Variants in MAD1L1 observed in about 807,000 individuals in gnomAD.
MAD1L1 encodes the protein mitotic arrest deficient 1 like 1, also known as mitotic spindle assembly checkpoint protein MAD1.
A neutral mutation model predicts 96.9 loss-of-function variants in MAD1L1; 95 were observed. The observed-to-expected ratio is 0.98, with a 90% CI of 0.83 to 1.16. The LOEUF is 1.16. Among genes scored for constraint, MAD1L1 ranks in the 50% most tolerant of loss-of-function variants. The probability of loss-of-function intolerance (pLI) is 0.00; values close to 1 mark genes in which losing one functional copy is unlikely to be tolerated. For missense variants in MAD1L1, 1,007 were observed against 954.4 expected, an observed-to-expected ratio of 1.06 and a Z score of -0.73; for synonymous variants, 473 against 396.6, an observed-to-expected ratio of 1.19 and a Z score of -2.29.
intron 16 of MAD1L1, among the ~76,000 whole-genome samples, chr7:1,941,782 A>C (rs1379642969): frequency 6.6e-6 from 1 of 152,216 alleles, no homozygotes; most frequent in East Asian, 1.9e-4. Flanking sequence ...CTGCGATGGC[A>C]CCGCTGACCA....
intron 11 of MAD1L1, among the ~76,000 whole-genome samples, chr7:2,112,799 G>A (rs573023040): frequency 1.3e-5 from 2 of 152,066 alleles, no homozygotes; most frequent in Admixed American, 1.3e-4. Flanking sequence ...GGAAAGTGGC[G>A]GACTGCAGGA....
At chr7:1,969,892 T>A (rs1780328866) in intron 15 of MAD1L1, among the ~76,000 whole-genome samples, 1 of 152,222 alleles carries the variant, frequency 6.6e-6, no homozygotes, top group Non-Finnish European at 1.5e-5. Context: ...TGTAAAGCCA[T>A]CTGTGTCAGG....
intron 18 of MAD1L1, among the ~76,000 whole-genome samples, chr7:1,884,621 C>T (rs957857682): frequency 4.0e-5 from 6 of 151,362 alleles, no homozygotes; most frequent in South Asian, 2.1e-4. Context: ...GTCTAAGAGA[C>T]GACCGAGAGT....
intron 10 of MAD1L1, among the ~76,000 whole-genome samples, chr7:2,161,664 G>A (rs150084146): frequency 0.24 from 36,878 of 150,814 alleles, 5,390 homozygotes; most frequent in Middle Eastern, 0.33. Context: ...AGTGAGGAGC[G>A]TCTCTGCCCG....
intron 11 of MAD1L1, among the ~76,000 whole-genome samples, chr7:2,098,060 G>A (rs1409741602): frequency 1.3e-5 from 2 of 152,230 alleles, no homozygotes; most frequent in Non-Finnish European, 2.9e-5. Flanking sequence ...CACTCATGCG[G>A]CGGCTCCATG....
At position 2,003,847 on chromosome 7, in the gene MAD1L1, G is replaced by A. The variant is rs375055497; in HGVS notation, c.1360-1726C>T. Among the ~76,000 whole-genome samples the A allele has an allele frequency of 5.9e-5, 9 of 152,280 alleles. No individual in the cohort carries two copies. The East Asian group carries it at 1.2e-3, about 20-fold the overall frequency. On this transcript the variant is annotated intron_variant, in intron 13 of 18. Transcript: ENST00000265854. ...CCCACACTGGAAAGCTTGGTGCCTC[G>A]AGGCCTAGGAGCAGCACACTGCCCT... is the stretch of plus-strand genomic sequence containing the variant.
intron 11 of MAD1L1, among the ~76,000 whole-genome samples, chr7:2,147,988 T>C (rs1028623910): frequency 6.6e-6 from 1 of 152,236 alleles, no homozygotes; most frequent in African/African-American, 2.4e-5. Context: ...AGTAAAATGA[T>C]GAGGATCGCC....
intron 18 of MAD1L1, chr7:1,829,509 G>A (rs1674896403): frequency 1.3e-5 from 2 of 152,242 alleles, no homozygotes; most frequent in Admixed American, 1.3e-4. Flanking sequence ...TGGCTGGTGA[G>A]GTCTCTGAGC....
At chr7:1,903,887 G>A (rs1455137336) in intron 17 of MAD1L1, among the ~76,000 whole-genome samples, 2 of 128,934 alleles carry the variant, frequency 1.6e-5, no homozygotes, top group Admixed American at 8.2e-5. Context: ...TATGGAAGAT[G>A]CTCTTGCGGA....
At chr7:2,150,476 C>A (rs1235064572) in intron 10 of MAD1L1, among the ~76,000 whole-genome samples, 1 of 152,188 alleles carries the variant, frequency 6.6e-6, no homozygotes, top group Non-Finnish European at 1.5e-5. Flanking sequence ...GCTCATCCAG[C>A]GCTCACACAG....
intron 18 of MAD1L1, among the ~76,000 whole-genome samples, chr7:1,892,587 TA>T (rs1786615702): frequency 6.6e-6 from 1 of 152,130 alleles, no homozygotes. Flanking sequence ...AGACCCACAA[TA>T]AAAAAAGCTG....
At chr7:2,057,820 A>G (rs374017084) in intron 12 of MAD1L1, among the ~76,000 whole-genome samples, 4 of 152,370 alleles carry the variant, frequency 2.6e-5, no homozygotes, top group African/African-American at 9.6e-5. Context: ...AGTAAAGAGT[A>G]TCACACAGAA....
chr7:2,001,923 C>T, intron 14 of MAD1L1, 142 bp downstream of exon 14: 2 of 833,354 alleles, frequency 2.4e-6, no homozygotes, highest in Non-Finnish European at 4.0e-6. Context: ...ACACACCCTT[C>T]CCCGCTCAAC....
intron 17 of MAD1L1, among the ~76,000 whole-genome samples, chr7:1,923,487 C>CAACCCCGCGCTCTTCCGCCCCGGCACG (rs1325339882): frequency 7.3e-6 from 1 of 136,446 alleles, no homozygotes; most frequent in Non-Finnish European, 1.6e-5. Flanking sequence ...GCCCCGGCAG[C>CAACCCCGCGCTCTTCCGCCCCGGCACG]CGGGCAACCC....
At chr7:1,940,040 C>T (rs1778870605) in intron 16 of MAD1L1, 1 of 152,488 alleles carries the variant, frequency 6.6e-6, no homozygotes, top group Admixed American at 6.5e-5. Context: ...AACTGCTGGC[C>T]CTGCCACCCC....
intron 10 of MAD1L1, among the ~76,000 whole-genome samples, chr7:2,175,564 T>G (rs1790910605): frequency 6.9e-6 from 1 of 144,926 alleles, no homozygotes; most frequent in Non-Finnish European, 1.5e-5. Flanking sequence ...AAGAAAAAGG[T>G]AGGTGTATGT....
At chr7:2,191,776 T>C (rs548122766) in intron 10 of MAD1L1, among the ~76,000 whole-genome samples, 108 of 151,576 alleles carry the variant, frequency 7.1e-4, no homozygotes, top group African/African-American at 2.5e-3. Flanking sequence ...CTCACGCCTG[T>C]AATCCCAGCA....
chr7:1,829,523 G>C (rs554806081), intron 18 of MAD1L1: 115 of 152,350 alleles, frequency 7.5e-4, no homozygotes, highest in African/African-American at 2.4e-3. Context: ...TCTGAGCAGA[G>C]AGCCAGCTCA....
At chr7:1,847,680 A>G (rs770504442) in intron 18 of MAD1L1, 6 of 470,540 alleles carry the variant, frequency 1.3e-5, no homozygotes, top group Non-Finnish European at 2.6e-5. Flanking sequence ...GGACGCATAC[A>G]CTGGGGAGAC....
Sources: allele counts gnomAD v4.1 joint callset (sites outside exome capture counted in the v4.1 genomes callset), GRCh38; gene constraint gnomAD v4.1.1; transcripts MANE v1.5; gene names NCBI Gene and HGNC (gene_info 2026-07-23, HGNC 2026-07-21).